The following SLC9B1 variants were observed in gnomAD, a reference collection of about 807,000 sequenced individuals.
The protein encoded by SLC9B1 is solute carrier family 9 member B1.
Under a neutral mutation model 51.7 loss-of-function variants are expected in SLC9B1, and 32 were observed. The observed-to-expected ratio is 0.62, with a 90% CI of 0.47 to 0.83. The LOEUF (loss-of-function observed/expected upper bound fraction) is 0.83. SLC9B1 is among the 40% of genes least tolerant of loss of function. SLC9B1 has a pLI of 0.00. For missense variants in SLC9B1, 406 were observed against 613.2 expected (o/e 0.66, Z 3.57); for synonymous variants, 145 against 212.7 (o/e 0.68, Z 2.77).
At chr4:102,912,964 C>A (rs1439682939) in intron 7 of SLC9B1, among the ~76,000 whole-genome samples, 2 of 152,070 alleles carry the variant, frequency 1.3e-5, no homozygotes, top group African/African-American at 4.8e-5. Flanking sequence ...ACCAACTGAA[C>A]AACAATATAT....
intron 6 of SLC9B1, among the ~76,000 whole-genome samples, chr4:102,944,748 G>A (rs1405027203): frequency 1.3e-5 from 2 of 152,150 alleles, no homozygotes; most frequent in Non-Finnish European, 2.9e-5. Context: ...TTGGATATAC[G>A]GCAAGAGTTT....
At chr4:102,986,552 A>G (rs1235006931) in intron 3 of SLC9B1, among the ~76,000 whole-genome samples, 2 of 152,062 alleles carry the variant, frequency 1.3e-5, no homozygotes, top group Non-Finnish European at 2.9e-5. Flanking sequence ...TATGGCTTCA[A>G]TTATGTCTTC....
chr4:103,000,176 G>A (rs767268892), intron 1 of SLC9B1, among the ~76,000 whole-genome samples: 4 of 152,136 alleles, frequency 2.6e-5, no homozygotes, highest in Non-Finnish European at 4.4e-5. Flanking sequence ...AATATGAGAT[G>A]AGATTTGGGT....
At chr4:102,998,603 G>GT (rs1269429149) in intron 1 of SLC9B1, among the ~76,000 whole-genome samples, 11 of 121,622 alleles carry the variant, frequency 9.0e-5, no homozygotes, top group Middle Eastern at 4.2e-3. Flanking sequence ...ATCATCATAT[G>GT]GTTTTTTTTT....
rs1578315498 is a variant in SLC9B1, at chr4:102,885,486, C to T, written c.1333-158G>A. 3.8e-6 allele frequency: 5 copies of T among 1,317,926 alleles called. No individual in the cohort carries two copies. In the East Asian group the frequency reaches 9.2e-5, roughly 24 times the overall value. 81.6% of individuals were successfully genotyped at this position (1,317,926 alleles called of 1,614,324 possible). On this transcript the variant is annotated intron_variant, in intron 11 of 11. Transcript: ENST00000394789. ...TTTTGCAGTGCTAGGATTGTTTCGC[C>T]TCTTAAATCCCCAGTTTTGAAGTTC...
intron 11 of SLC9B1, 133 bp from the exon 12 acceptor site, chr4:102,901,465 A>C (rs565267661): frequency 6.4e-5 from 70 of 1,094,624 alleles, no homozygotes; most frequent in Middle Eastern, 3.2e-4. Flanking sequence ...AGTAATTTTC[A>C]TAAGTTACTC....
rs539907949 is a variant in SLC9B1 at position 103,008,660 on chromosome 4, G to A, written c.-2+10939C>T. Among the ~76,000 whole-genome samples the A allele has an allele frequency of 3.3e-5, 5 of 151,706 alleles. No homozygotes were observed. The South Asian group carries it at 6.2e-4, about 19-fold the overall frequency. On this transcript the variant is annotated intron_variant, in intron 1 of 11. Coordinates refer to ENST00000296422, the MANE Select transcript of SLC9B1 (RefSeq NM_139173.4). ...AGCCTTCCAAAGTGCTGGGATTACA[G>A]GCATGAGACATCGCACCTGACCCTG... is the stretch of plus-strand genomic sequence containing the variant.
chr4:102,925,890 T>C (rs1736142451), intron 7 of SLC9B1, among the ~76,000 whole-genome samples: 1 of 151,986 alleles, frequency 6.6e-6, no homozygotes, highest in Non-Finnish European at 1.5e-5. Flanking sequence ...TCAAAAAGCT[T>C]ATCCACCACG....
At chr4:103,013,424 C>T (rs535116164) in intron 1 of SLC9B1, among the ~76,000 whole-genome samples, 2 of 152,230 alleles carry the variant, frequency 1.3e-5, no homozygotes, top group South Asian at 2.1e-4. Flanking sequence ...TTAGTGGTTT[C>T]TTTCCCCTAT....
At chr4:102,959,171 C>G (rs1737953221) in intron 3 of SLC9B1, among the ~76,000 whole-genome samples, 1 of 151,882 alleles carries the variant, frequency 6.6e-6, no homozygotes, top group Non-Finnish European at 1.5e-5. Flanking sequence ...AAGAAACAAA[C>G]TTTAGATAAA....
At chr4:103,017,551 C>G (rs901380408) in intron 1 of SLC9B1, among the ~76,000 whole-genome samples, 1 of 152,168 alleles carries the variant, frequency 6.6e-6, no homozygotes, top group African/African-American at 2.4e-5. Flanking sequence ...CTGGAAGGAG[C>G]CAAGTTCTTT....
chr4:102,889,723 G>A (rs1398306214), intron 11 of SLC9B1: 1 of 152,146 alleles, frequency 6.6e-6, no homozygotes, highest in African/African-American at 2.4e-5. Context: ...GAAGCGTAGG[G>A]TTGGTAGTAA....
intron 6 of SLC9B1, among the ~76,000 whole-genome samples, chr4:102,937,596 G>A (rs1209408667): frequency 4.0e-5 from 6 of 150,370 alleles, no homozygotes; most frequent in Admixed American, 1.3e-4. Flanking sequence ...ATGGTGATGC[G>A]TGTCTGTAGT....
intron 1 of SLC9B1, among the ~76,000 whole-genome samples, chr4:102,992,829 G>A (rs1401779157): frequency 1.3e-5 from 2 of 152,154 alleles, no homozygotes; most frequent in Non-Finnish European, 1.5e-5. Flanking sequence ...GAAAGAGGTT[G>A]AATTGACTCA....
chr4:102,961,980 G>A (rs917188935), intron 3 of SLC9B1: 2 of 258,146 alleles, frequency 7.7e-6, no homozygotes, highest in Non-Finnish European at 1.5e-5. Context: ...GCCTTCCTGT[G>A]TGGCAGACTG....
Position 102,963,653 on chromosome 4 carries a change from G to T in SLC9B1, c.212-14226C>A, listed in dbSNP as rs551813278. ...AATGTGACTTTGAAAATTGTTAAGA[G>T]GAAAAAAAATTTCAAAAATGGCCCA... On this transcript the variant is annotated intron_variant, in intron 3 of 11. Transcript: ENST00000296422. Among the ~76,000 whole-genome samples, 44 of 151,918 alleles carry T rather than the reference G, an allele frequency of 2.9e-4. No individual in the cohort carries two copies. In the South Asian group the frequency reaches 9.1e-3, roughly 32 times the overall value.
chr4:102,948,457 A>T (rs1737381354), intron 4 of SLC9B1, among the ~76,000 whole-genome samples: 1 of 152,094 alleles, frequency 6.6e-6, no homozygotes, highest in Non-Finnish European at 1.5e-5. Context: ...AATATAGTTA[A>T]GTGGATTTTA....
intron 1 of SLC9B1, among the ~76,000 whole-genome samples, chr4:102,994,902 CT>C (rs1254549245): frequency 6.6e-6 from 1 of 152,170 alleles, no homozygotes. Context: ...TGTTCCACCC[CT>C]GACACATGGG....
chr4:102,967,637 T>G (rs1425980452), intron 3 of SLC9B1, among the ~76,000 whole-genome samples: 1 of 152,084 alleles, frequency 6.6e-6, no homozygotes, highest in Admixed American at 6.5e-5. Flanking sequence ...CTGAGACAAC[T>G]AATCCCACAA....
Sources: allele counts gnomAD v4.1 joint callset (sites outside exome capture counted in the v4.1 genomes callset), GRCh38; gene constraint gnomAD v4.1.1; transcripts MANE v1.5; gene names NCBI Gene and HGNC (gene_info 2026-07-23, HGNC 2026-07-21).